Variants in SLC7A7 observed in about 807,000 individuals in gnomAD.
SLC7A7 encodes the protein solute carrier family 7 member 7, also known as Y+L amino acid transporter 1.
Under a neutral mutation model 47.9 loss-of-function variants are expected in SLC7A7, and 39 were observed. The observed-to-expected ratio is 0.81, with a 90% CI of 0.63 to 1.06. SLC7A7 has a LOEUF of 1.06. SLC7A7 is among the 50% of genes least tolerant of loss of function. The pLI, the probability that SLC7A7 is intolerant of heterozygous loss-of-function variation, is 0.00. For missense variants in SLC7A7, 588 were observed against 632.0 expected, an observed-to-expected ratio of 0.93 and a Z score of 0.75; for synonymous variants, 234 against 242.8, an observed-to-expected ratio of 0.96 and a Z score of 0.34.
chr14:22,809,203 A>G (rs767165732), intron 2 of SLC7A7, among the ~76,000 whole-genome samples: 3 of 152,196 alleles, frequency 2.0e-5, no homozygotes, highest in Non-Finnish European at 4.4e-5. Flanking sequence ...CTTTTGAGAC[A>G]GAGTCTCGCT....
intron 2 of SLC7A7, among the ~76,000 whole-genome samples, chr14:22,784,240 G>T (rs2038771857): frequency 1.3e-5 from 2 of 152,194 alleles, no homozygotes; most frequent in South Asian, 4.1e-4. Context: ...TCTATAAGAG[G>T]ATAACCTGAA....
rs1252956510 is a variant in SLC7A7 at position 22,775,559 on chromosome 14, G to A, written c.999-19C>T. On this transcript the variant is annotated intron_variant, in intron 6 of 9. Coordinates refer to ENST00000674313, the MANE Select transcript of SLC7A7 (RefSeq NM_003982.4). ...GAAAAGCCTATGTTAGGTAAGATAG[G>A]AGAAGCTGAGAAAATTGGTGGACAC... 6.2e-7 allele frequency: 1 copy of A among 1,608,112 alleles called. No individual in the cohort carries two copies. Among genetic ancestry groups the A allele is most frequent in the East Asian group, 2.2e-5 (1 of 44,878 alleles).
At chr14:22,798,080 G>A (rs1374594949) in intron 2 of SLC7A7, among the ~76,000 whole-genome samples, 1 of 152,170 alleles carries the variant, frequency 6.6e-6, no homozygotes, top group Non-Finnish European at 1.5e-5. Context: ...TAGATCACCT[G>A]AGGTCAGGAG....
intron 3 of SLC7A7, 87 bp downstream of exon 3, chr14:22,779,839 T>G: frequency 2.8e-4 from 343 of 1,204,244 alleles, no homozygotes; most frequent in Non-Finnish European, 3.9e-4. Flanking sequence ...TAGTAAGAAA[T>G]GAGATAATGC....
At chr14:22,800,230 G>T (rs1363519843) in intron 2 of SLC7A7, among the ~76,000 whole-genome samples, 2 of 152,132 alleles carry the variant, frequency 1.3e-5, no homozygotes, top group Non-Finnish European at 2.9e-5. Context: ...GCTTTTAAAG[G>T]CCTTAAGAGT....
At chr14:22,799,688 C>G (rs535858320) in intron 2 of SLC7A7, among the ~76,000 whole-genome samples, 29 of 152,132 alleles carry the variant, frequency 1.9e-4, no homozygotes, top group Admixed American at 1.2e-3. Flanking sequence ...CTCCTGGCCT[C>G]AAGTGATCAG....
intron 2 of SLC7A7, among the ~76,000 whole-genome samples, chr14:22,807,888 G>T (rs149027087): frequency 6.6e-6 from 1 of 152,160 alleles, no homozygotes; most frequent in Non-Finnish European, 1.5e-5. Context: ...TAGGTCGGGC[G>T]TGGTAGCTCA....
intron 2 of SLC7A7, among the ~76,000 whole-genome samples, chr14:22,808,450 A>G (rs558967524): frequency 3.9e-5 from 6 of 152,304 alleles, no homozygotes; most frequent in African/African-American, 1.4e-4. Flanking sequence ...CTAAGTTCTC[A>G]CTTAGGCTAA....
At chr14:22,813,494 C>T (rs1372957097) in intron 1 of SLC7A7, 54 bp from the exon 2 acceptor site, 3 of 1,431,652 alleles carry the variant, frequency 2.1e-6, no homozygotes, top group Non-Finnish European at 2.9e-6. Context: ...TTACATAGAA[C>T]CTCTACCCGC....
chr14:22,791,882 T>C (rs1371965952), intron 2 of SLC7A7, among the ~76,000 whole-genome samples: 2 of 148,668 alleles, frequency 1.3e-5, no homozygotes, highest in Admixed American at 6.9e-5. Flanking sequence ...TCGCCCAGGC[T>C]GGAGTGCAGT....
At chr14:22,803,508 G>T (rs145026647) in intron 2 of SLC7A7, among the ~76,000 whole-genome samples, 359 of 152,278 alleles carry the variant, frequency 2.4e-3, no homozygotes, top group African/African-American at 8.3e-3. Flanking sequence ...TTTGCAAAGA[G>T]GTGAATGGAG....
At chr14:22,797,167 C>G (rs1436660772) in intron 2 of SLC7A7, among the ~76,000 whole-genome samples, 2 of 152,158 alleles carry the variant, frequency 1.3e-5, no homozygotes, top group African/African-American at 4.8e-5. Context: ...TTCCACCACA[C>G]CACATACCTC....
intron 7 of SLC7A7, 139 bp downstream of exon 7, chr14:22,775,305 C>T (rs1484966287): frequency 1.5e-5 from 12 of 786,508 alleles, no homozygotes; most frequent in Admixed American, 5.6e-5. Context: ...GTGCCTTGCC[C>T]GTGGTGAACA....
chr14:22,789,446 G>A (rs7157698), intron 2 of SLC7A7, among the ~76,000 whole-genome samples: 2,221 of 152,054 alleles, frequency 0.015, 217 homozygotes, highest in Admixed American at 0.13. Flanking sequence ...TAACCAACAC[G>A]GTGAAACCCC....
intron 9 of SLC7A7, 82 bp downstream of exon 9, chr14:22,773,851 T>C: frequency 6.3e-7 from 1 of 1,585,210 alleles, no homozygotes; most frequent in Non-Finnish European, 8.6e-7. Context: ...AAGGCAAAGA[T>C]GTCTTTGGAG....
In SLC7A7 at chr14:22,775,505, G is replaced by A. The variant is rs1417051927; in HGVS notation, c.1034C>T (p.Pro345Leu). 3 of 1,614,084 alleles carry A rather than the reference G, an allele frequency of 1.9e-6. No homozygotes were observed. Among genetic ancestry groups the A allele is most frequent in the South Asian group, 1.1e-5 (1 of 91,088 alleles). The part of the protein sequence containing the change: ...FFVGSREGHL[P>L]DAICMIHVER... ...AACATGGATCATGCAGATGGCATCA[G>A]GGAGATGGCCTTCTCTTGAGCCCAC... Residue 345 changes from proline to leucine, a missense_variant, in exon 7 of 10, where the codon CCT (proline) becomes CTT (leucine). Transcript: ENST00000674313.
chr14:22,815,761 G>A (rs768059677), upstream of SLC7A7: 68 of 440,780 alleles, frequency 1.5e-4, no homozygotes, highest in Non-Finnish European at 2.9e-4. Flanking sequence ...GACAGTAGCG[G>A]GGAAGGAATA....
At chr14:22,784,713 G>A (rs557252331) in intron 2 of SLC7A7, among the ~76,000 whole-genome samples, 1 of 152,168 alleles carries the variant, frequency 6.6e-6, no homozygotes, top group Non-Finnish European at 1.5e-5. Context: ...GGGAGTAGGA[G>A]ACTAGTTCTA....
At chr14:22,813,725 C>A (rs573954953) in intron 1 of SLC7A7, among the ~76,000 whole-genome samples, 2 of 150,944 alleles carry the variant, frequency 1.3e-5, no homozygotes, top group Admixed American at 6.6e-5. Flanking sequence ...CGGGTTCAAG[C>A]GCTTCTCTTG....
Sources: gnomAD v4.1 joint callset for allele counts (sites outside exome capture counted in the v4.1 genomes callset) on GRCh38, gnomAD v4.1.1 for gene constraint, MANE v1.5 for transcripts, NCBI Gene and HGNC (gene_info 2026-07-23, HGNC 2026-07-21) for gene names.